DOCK4: variants seen among roughly 807,000 people sequenced by gnomAD.
DOCK4 encodes dedicator of cytokinesis protein 4.
Under a neutral mutation model 268.1 loss-of-function variants are expected in DOCK4, and 97 were observed. The ratio of observed to expected loss-of-function variants is 0.36; its 90% confidence interval spans 0.31 to 0.43. The LOEUF (loss-of-function observed/expected upper bound fraction) is 0.43. Among genes scored for constraint, DOCK4 ranks in the 20% least tolerant of loss-of-function variants. DOCK4 has a pLI of 1.00. For missense variants in DOCK4, 2,145 were observed against 2,455.7 expected, an observed-to-expected ratio of 0.87 and a Z score of 2.67; for synonymous variants, 954 against 887.2, an observed-to-expected ratio of 1.08 and a Z score of -1.34.
rs1319933259 is a variant in DOCK4 at position 111,727,685 on chromosome 7, T to TCAAA, written c.*585_*588dup. ...AGAATTTTACGAATGTAGACAGCAG[T>TCAAA]CAAACAGCAAAAGCAACCTTAAAGA... On this transcript the variant is annotated 3_prime_UTR_variant, in exon 53 of 53. Coordinates refer to ENST00000428084, the MANE Select transcript of DOCK4 (RefSeq NM_001363540.2). 1.3e-5 allele frequency: 2 copies of TCAAA among 152,354 alleles called. No individual in the cohort carries two copies. Among genetic ancestry groups the TCAAA allele is most frequent in the Non-Finnish European group, 2.9e-5 (2 of 68,030 alleles). 9.4% of individuals were successfully genotyped at this position (152,354 alleles called of 1,614,324 possible). A position where few individuals can be genotyped will look rare whatever the true frequency, so the allele number is the denominator to read the frequency against.
intron 13 of DOCK4, among the ~76,000 whole-genome samples, chr7:111,906,563 G>C (rs1346967743): frequency 6.6e-6 from 1 of 152,118 alleles, no homozygotes; most frequent in African/African-American, 2.4e-5. Flanking sequence ...GTGAAAGGCA[G>C]ATTAAGATCC....
At chr7:112,066,700 T>C (rs12538210) in intron 1 of DOCK4, among the ~76,000 whole-genome samples, 19 of 36,264 alleles carry the variant, frequency 5.2e-4, no homozygotes, top group South Asian at 2.2e-3. Flanking sequence ...CATATATATA[T>C]ATATATATAT....
rs908452842 is a variant in DOCK4 at position 112,206,095 on chromosome 7, G to A, written c.37+7C>T. The A allele has an allele frequency of 1.3e-6, 2 of 1,579,654 alleles. No homozygotes were observed. Among genetic ancestry groups the A allele is most frequent in the Non-Finnish European group, 1.7e-6 (2 of 1,162,500 alleles). On this transcript the variant is annotated splice_region_variant and intron_variant, in intron 1 of 52. Transcript: ENST00000428084. The stretch of plus-strand genomic sequence containing the variant: ...GCAGAATAAAAGTTCGCCCCGCGGA[G>A]ACTCACCCACGCCGTATTTCTCGTG...
rs1804159458 is a variant in DOCK4 at position 111,847,000 on chromosome 7, G to A, written c.2600C>T (p.Ser867Leu). ...NVFCLIKKNS[S>L]EKSVLEEIDV... ...ATACTATGACCTGTATTTACTTACT[G>A]AGCTATTTTTCTTGATAAGACAAAA... Residue 867 changes from serine (S) to leucine (L), a missense_variant and splice_region_variant, in exon 24 of 53, where the codon TCA (serine) becomes TTA (leucine). Coordinates refer to ENST00000428084, the MANE Select transcript of DOCK4 (RefSeq NM_001363540.2). The A allele has an allele frequency of 6.2e-7, 1 of 1,613,358 alleles. No individual in the cohort carries two copies. Among genetic ancestry groups the A allele is most frequent in the African/African-American group, 1.3e-5 (1 of 74,902 alleles).
chr7:111,940,463 T>C (rs922718710), intron 10 of DOCK4, among the ~76,000 whole-genome samples: 5 of 152,170 alleles, frequency 3.3e-5, no homozygotes, highest in African/African-American at 9.7e-5. Flanking sequence ...TGGGCGTCAG[T>C]TGCCATCTGT....
At chr7:111,916,791 T>C (rs1164494859) in intron 12 of DOCK4, among the ~76,000 whole-genome samples, 4 of 152,048 alleles carry the variant, frequency 2.6e-5, no homozygotes, top group East Asian at 1.9e-4. Flanking sequence ...ATTTTTAAGA[T>C]AGCCAAATTA....
intron 1 of DOCK4, among the ~76,000 whole-genome samples, chr7:112,032,101 G>A (rs1474346800): frequency 6.6e-6 from 1 of 152,270 alleles, no homozygotes; most frequent in East Asian, 1.9e-4. Flanking sequence ...AGACCCTTAA[G>A]TAGGTCATAG....
intron 1 of DOCK4, among the ~76,000 whole-genome samples, chr7:112,118,866 C>T (rs1054187385): frequency 1.3e-5 from 2 of 152,180 alleles, no homozygotes; most frequent in Non-Finnish European, 2.9e-5. Flanking sequence ...CCAGTTTCTT[C>T]AATAACCACC....
intron 12 of DOCK4, among the ~76,000 whole-genome samples, chr7:111,918,138 C>T (rs1221254936): frequency 6.6e-6 from 1 of 152,124 alleles, no homozygotes; most frequent in East Asian, 1.9e-4. Flanking sequence ...AAACTGGAGC[C>T]TCTCCTGAGG....
At chr7:112,033,323 A>G (rs1241545591) in intron 1 of DOCK4, among the ~76,000 whole-genome samples, 1 of 152,170 alleles carries the variant, frequency 6.6e-6, no homozygotes, top group East Asian at 1.9e-4. Flanking sequence ...GAAAAAGCAC[A>G]AAACTTCAAA....
At position 111,877,120 on chromosome 7, in the gene DOCK4, A is replaced by G. The variant is rs1332102502; in HGVS notation, c.1654T>C (p.Phe552Leu). ...ATGGCTTGATTATTATTCCCAAGGA[A>G]AATGCCCTTGGAAAAGGGAAGTTTG... ...YLKLPFSKGI[F>L]LGNNNQAMKA... Residue 552 changes from phenylalanine to leucine, a missense_variant, in exon 17 of 53, where the codon TTC (phenylalanine) becomes CTC (leucine). Transcript: ENST00000428084. 6 of 1,594,090 alleles carry G rather than the reference A, an allele frequency of 3.8e-6. No homozygotes were observed. The Admixed American group carries it at 1.1e-4, about 28-fold the overall frequency.
chr7:111,784,865 G>A (rs1799057433), intron 32 of DOCK4, among the ~76,000 whole-genome samples: 1 of 152,160 alleles, frequency 6.6e-6, no homozygotes, highest in African/African-American at 2.4e-5. Flanking sequence ...TGCCATTTCT[G>A]TCTAAAATCT....
chr7:111,862,624 G>A (rs887519746), intron 23 of DOCK4, among the ~76,000 whole-genome samples: 5 of 150,804 alleles, frequency 3.3e-5, no homozygotes, highest in Admixed American at 2.7e-4. Flanking sequence ...CCGAGTAGAT[G>A]GGATTACAGG....
At chr7:111,763,333 C>G (rs1038259568) in intron 39 of DOCK4, among the ~76,000 whole-genome samples, 2 of 152,174 alleles carry the variant, frequency 1.3e-5, no homozygotes, top group Non-Finnish European at 2.9e-5. Flanking sequence ...AAAAAAAGGT[C>G]AGGCTCCAGG....
chr7:111,937,306 C>T (rs1264451488), intron 11 of DOCK4, among the ~76,000 whole-genome samples: 1 of 152,192 alleles, frequency 6.6e-6, no homozygotes, highest in African/African-American at 2.4e-5. Flanking sequence ...CCTTCCTAAT[C>T]TACAGTGACT....
intron 23 of DOCK4, among the ~76,000 whole-genome samples, chr7:111,851,854 A>G (rs913898223): frequency 5.3e-5 from 8 of 151,700 alleles, no homozygotes; most frequent in African/African-American, 1.9e-4. Context: ...ATTTTATCCT[A>G]TATCTATAGA....
At chr7:111,862,191 C>T (rs922466307) in intron 23 of DOCK4, among the ~76,000 whole-genome samples, 1 of 151,872 alleles carries the variant, frequency 6.6e-6, no homozygotes, top group Non-Finnish European at 1.5e-5. Flanking sequence ...CCCAGCTACT[C>T]AGGAGGCTAA....
chr7:111,935,032 C>G (rs1019683485), intron 12 of DOCK4, among the ~76,000 whole-genome samples: 2 of 151,892 alleles, frequency 1.3e-5, no homozygotes, highest in Non-Finnish European at 2.9e-5. Context: ...CTGCAACATC[C>G]GCCTCCCAGG....
At chr7:112,096,186 T>TC (rs1272358024) in intron 1 of DOCK4, among the ~76,000 whole-genome samples, 3 of 60,026 alleles carry the variant, frequency 5.0e-5, no homozygotes, top group Admixed American at 4.0e-4. Context: ...TAGGGCATTC[T>TC]TTTTTTTTAG....
Sources: allele counts gnomAD v4.1 joint callset (sites outside exome capture counted in the v4.1 genomes callset), GRCh38; gene constraint gnomAD v4.1.1; transcripts MANE v1.5; gene names NCBI Gene and HGNC (gene_info 2026-07-23, HGNC 2026-07-21).